FRMD5: variants seen among roughly 807,000 people sequenced by gnomAD.
FRMD5 encodes FERM domain containing 5.
A neutral mutation model predicts 69.0 loss-of-function variants in FRMD5; 20 were observed. That is an observed-to-expected ratio of 0.29 (90% CI 0.20 to 0.42). FRMD5 has a LOEUF of 0.42. FRMD5 is among the 10% of genes least tolerant of loss of function. FRMD5 has a pLI of 1.00. For synonymous variants in FRMD5, 271 were observed against 260.1 expected (o/e 1.04, Z -0.40); for missense variants, 595 against 708.6 (o/e 0.84, Z 1.82).
upstream of FRMD5, among the ~76,000 whole-genome samples, chr15:44,198,415 T>C (rs2078324252): frequency 6.6e-6 from 1 of 152,080 alleles, no homozygotes; most frequent in Non-Finnish European, 1.5e-5. Flanking sequence ...CATTCATGCT[T>C]AGGTGTAATA....
chr15:44,105,155 C>A (rs1698936002), intron 1 of FRMD5, among the ~76,000 whole-genome samples: 1 of 150,374 alleles, frequency 6.7e-6, no homozygotes, highest in African/African-American at 2.4e-5. Context: ...CAACTCACTG[C>A]AGCCTCGATG....
At chr15:44,146,181 T>G (rs1464360850) in intron 1 of FRMD5, among the ~76,000 whole-genome samples, 2 of 152,034 alleles carry the variant, frequency 1.3e-5, no homozygotes, top group Admixed American at 1.3e-4. Flanking sequence ...AGGCCCCAGT[T>G]TGTGTTGTTC....
At chr15:44,074,150 TATAAA>T (rs2140421642) in intron 1 of FRMD5, among the ~76,000 whole-genome samples, 1 of 152,358 alleles carries the variant, frequency 6.6e-6, no homozygotes, top group Non-Finnish European at 1.5e-5. Flanking sequence ...CATGTTTATC[TATAAA>T]ATGAGTAGTT....
chr15:44,046,080 C>G (rs1338270168), intron 1 of FRMD5, among the ~76,000 whole-genome samples: 1 of 152,056 alleles, frequency 6.6e-6, no homozygotes, highest in Admixed American at 6.6e-5. Flanking sequence ...TAGAAACACC[C>G]AACACCTAGC....
intron 1 of FRMD5, among the ~76,000 whole-genome samples, chr15:44,069,181 T>C (rs1399563040): frequency 2.0e-5 from 3 of 152,272 alleles, no homozygotes; most frequent in Non-Finnish European, 2.9e-5. Flanking sequence ...CAACACCAAA[T>C]GCTGGCAAGG....
intron 1 of FRMD5, among the ~76,000 whole-genome samples, chr15:44,003,309 T>A (rs545166645): frequency 1.6e-3 from 247 of 152,318 alleles, no homozygotes; most frequent in Admixed American, 3.8e-3. Context: ...TCTCCCTGCC[T>A]CTACCCTTGC....
At chr15:43,907,588 G>A (rs1042747037) in intron 5 of FRMD5, among the ~76,000 whole-genome samples, 2 of 150,876 alleles carry the variant, frequency 1.3e-5, no homozygotes, top group Non-Finnish European at 2.9e-5. Flanking sequence ...GCAGTAGCGC[G>A]ATCTCAGCTC....
intron 1 of FRMD5, among the ~76,000 whole-genome samples, chr15:44,122,418 C>T (rs2615291): frequency 0.17 from 26,087 of 151,680 alleles, 4,889 homozygotes; most frequent in African/African-American, 0.47. Context: ...CAAAAAAAAT[C>T]AGCCAGGCAT....
At chr15:44,106,705 C>T (rs1007461179) in intron 1 of FRMD5, among the ~76,000 whole-genome samples, 1 of 152,038 alleles carries the variant, frequency 6.6e-6, no homozygotes, top group Non-Finnish European at 1.5e-5. Context: ...CTGACTCCAA[C>T]TGTACTTATC....
chr15:43,960,524 C>A (rs2090181811), intron 1 of FRMD5, among the ~76,000 whole-genome samples: 1 of 152,156 alleles, frequency 6.6e-6, no homozygotes, highest in Non-Finnish European at 1.5e-5. Flanking sequence ...GCTGGGATTA[C>A]AGGCGTGAGC....
intron 1 of FRMD5, among the ~76,000 whole-genome samples, chr15:44,043,322 T>C (rs1892283729): frequency 6.6e-6 from 1 of 152,150 alleles, no homozygotes; most frequent in African/African-American, 2.4e-5. Context: ...ATAGGAAGAA[T>C]CAGTATCATG....
intron 1 of FRMD5, among the ~76,000 whole-genome samples, chr15:43,925,234 AC>A (rs1294094593): frequency 6.6e-6 from 1 of 151,844 alleles, no homozygotes; most frequent in East Asian, 1.9e-4. Flanking sequence ...CTAACTTCTG[AC>A]CTTAGGTGAT....
intron 1 of FRMD5, among the ~76,000 whole-genome samples, chr15:43,987,943 A>G (rs1889475253): frequency 6.6e-6 from 1 of 152,280 alleles, no homozygotes; most frequent in South Asian, 2.1e-4. Context: ...TCCTGCAATT[A>G]TATAGTCCCA....
At chr15:43,931,078 C>T (rs974205184) in intron 1 of FRMD5, among the ~76,000 whole-genome samples, 3 of 152,150 alleles carry the variant, frequency 2.0e-5, no homozygotes, top group Non-Finnish European at 2.9e-5. Flanking sequence ...TCTTTGTACC[C>T]TGTGAAGTGT....
In FRMD5 at chr15:44,001,693, G is replaced by A. The variant is rs112874023; in HGVS notation, c.103-77384C>T. ...ATGAACACAGCTCACTGCAGCCTCCGCTTCCCACACTCAAGTGATCCTCCT... is the reference window on the plus strand; with the variant it reads ...ATGAACACAGCTCACTGCAGCCTCCACTTCCCACACTCAAGTGATCCTCCT... On this transcript the variant is annotated intron_variant, in intron 1 of 13. Transcript: ENST00000417257. Among the ~76,000 whole-genome samples, 1,119 of 151,302 alleles carry A rather than the reference G, an allele frequency of 7.4e-3. 20 individuals are homozygous for A. Among genetic ancestry groups the A allele is most frequent in the African/African-American group, 0.026 (1,062 of 41,194 alleles).
intron 1 of FRMD5, among the ~76,000 whole-genome samples, chr15:44,176,444 G>A (rs553816997): frequency 3.0e-4 from 46 of 152,134 alleles, no homozygotes; most frequent in African/African-American, 1.0e-3. Flanking sequence ...GAAAATACAG[G>A]TATAAACCTT....
chr15:43,887,967 A>G (rs543602861), intron 10 of FRMD5, among the ~76,000 whole-genome samples: 1 of 152,352 alleles, frequency 6.6e-6, no homozygotes, highest in East Asian at 1.9e-4. Flanking sequence ...ACCGAAGAAA[A>G]CAACACAAAA....
rs1036349188 is a variant in FRMD5, at chr15:43,875,736, G to A, written c.1136-1274C>T. On this transcript the variant is annotated intron_variant, in intron 13 of 13. Coordinates refer to ENST00000417257, the MANE Select transcript of FRMD5 (RefSeq NM_032892.5). ...CCCAAAGTGCTGGGATTATAGGTGTGAGCCACCGCACCCAGCCCCTAATTT... is the reference window on the plus strand; with the variant it reads ...CCCAAAGTGCTGGGATTATAGGTGTAAGCCACCGCACCCAGCCCCTAATTT... The A allele has an allele frequency of 4.2e-5, 23 of 545,950 alleles. 1 individual carries two copies. Among genetic ancestry groups the A allele is most frequent in the African/African-American group, 3.7e-4 (19 of 51,172 alleles). 33.8% of individuals were successfully genotyped at this position (545,950 alleles called of 1,614,324 possible).
At chr15:43,883,926 CT>C in intron 12 of FRMD5, 117 bp from the exon 13 acceptor site, 1 of 742,262 alleles carries the variant, frequency 1.3e-6, no homozygotes, top group Non-Finnish European at 2.4e-6. Flanking sequence ...TGGTCTCTCT[CT>C]TTTTTAAAAT....
Sources: allele counts gnomAD v4.1 joint callset (sites outside exome capture counted in the v4.1 genomes callset), GRCh38; gene constraint gnomAD v4.1.1; transcripts MANE v1.5; gene names NCBI Gene and HGNC (gene_info 2026-07-23, HGNC 2026-07-21).